The following PCDHGB2 variants were observed in gnomAD, a reference collection of about 807,000 sequenced individuals.
The protein encoded by PCDHGB2 is protocadherin gamma-B2.
Under a neutral mutation model 59.3 loss-of-function variants are expected in PCDHGB2, and 55 were observed. The ratio of observed to expected loss-of-function variants is 0.93; its 90% CI spans 0.75 to 1.16. PCDHGB2 has a LOEUF of 1.16. Ranked by LOEUF, PCDHGB2 falls within the 50% of genes most tolerant of loss-of-function variation. The pLI, the probability that PCDHGB2 is intolerant of heterozygous loss-of-function variation, is 0.00. For missense variants in PCDHGB2, 1,228 were observed against 1,198.5 expected, an observed-to-expected ratio of 1.02 and a Z score of -0.36; for synonymous variants, 516 against 512.0, an observed-to-expected ratio of 1.01 and a Z score of -0.11.
intron 1 of PCDHGB2, among the ~76,000 whole-genome samples, chr5:141,446,482 C>CT (rs112180482): frequency 6.3e-4 from 92 of 147,004 alleles, no homozygotes; most frequent in East Asian, 4.0e-3. Context: ...GGTCATCATT[C>CT]TTTTTTTTTT....
intron 1 of PCDHGB2, chr5:141,441,751 A>G (rs946329290): frequency 5.3e-6 from 2 of 378,094 alleles, no homozygotes; most frequent in African/African-American, 2.2e-5. Flanking sequence ...CTCGGCGTCA[A>G]CGTGAGCCTG....
In PCDHGB2 at chr5:141,486,718, A is replaced by G; in HGVS notation, c.2422-8089A>G. 6.2e-7 allele frequency: 1 copy of G among 1,614,106 alleles called. No individual in the cohort carries two copies. The highest frequency in any genetic ancestry group is 1.7e-5 in the Admixed American group (1 of 60,022). On this transcript the variant is annotated intron_variant, in intron 1 of 3. Coordinates refer to ENST00000522605, the MANE Select transcript of PCDHGB2 (RefSeq NM_018923.3). This position sits in a 1 kb window ranked among gnomAD's most constrained non-coding sequence, Gnocchi z 5.0. Reference sequence around the variant, plus strand: ...TCATCTCTCTGAACCCCCAGACAGGAGCTGTTCATGCTACTCGATCCTTTG... The same window carrying G: ...TCATCTCTCTGAACCCCCAGACAGGGGCTGTTCATGCTACTCGATCCTTTG...
rs771162532 is a variant in PCDHGB2, at chr5:141,491,756, C to A, written c.2422-3051C>A. On this transcript the variant is annotated intron_variant, in intron 1 of 3. Transcript: ENST00000522605. The surrounding 1 kb of genome is among the most constrained non-coding windows in gnomAD (Gnocchi z 6.9). ...CCTGGGGGCGGCACTGGAGAAGCCGCCCGTCCTCATAAGGGATTGAACTTG... is the reference window on the plus strand; with the variant it reads ...CCTGGGGGCGGCACTGGAGAAGCCGACCGTCCTCATAAGGGATTGAACTTG... The A allele has an allele frequency of 6.3e-7, 1 of 1,581,720 alleles. No individual in the cohort carries two copies. Among genetic ancestry groups the A allele is most frequent in the Middle Eastern group, 1.7e-4 (1 of 5,958 alleles).
chr5:141,391,873 T>G (rs1023590638), intron 1 of PCDHGB2: 2 of 152,216 alleles, frequency 1.3e-5, no homozygotes, highest in African/African-American at 4.8e-5. Flanking sequence ...TAATCATCTC[T>G]TTGGTGAAAG....
rs1440733700 is a variant in PCDHGB2 at position 141,441,803 on chromosome 5, G to A, written c.2422-53004G>A. 249 of 383,164 alleles carry A rather than the reference G, an allele frequency of 6.5e-4. 2 individuals carry two copies. Among genetic ancestry groups the A allele is most frequent in the African/African-American group, 4.8e-3 (220 of 45,902 alleles). The allele number at this position is 383,164 out of a possible 1,614,324, so 23.7% of individuals were successfully genotyped here. The stretch of plus-strand genomic sequence containing the variant: ...ACCTGAATGACAACGCACCGCGGGT[G>A]CTGTACCCCAGCTCTGGAGCGCAAT... On this transcript the variant is annotated intron_variant, in intron 1 of 3. Coordinates refer to ENST00000522605, the MANE Select transcript of PCDHGB2 (RefSeq NM_018923.3).
intron 3 of PCDHGB2, chr5:141,506,988 A>G (rs1364718512): frequency 1.3e-5 from 2 of 152,192 alleles, no homozygotes; most frequent in Non-Finnish European, 2.9e-5. Context: ...CTGATTTCTC[A>G]CACTCGACAG....
At chr5:141,475,090 A>G (rs991061660) in intron 1 of PCDHGB2, among the ~76,000 whole-genome samples, 1 of 152,264 alleles carries the variant, frequency 6.6e-6, no homozygotes, top group African/African-American at 2.4e-5. Flanking sequence ...CAATAATTTT[A>G]TAAAGATCCT....
chr5:141,408,430 C>T, intron 1 of PCDHGB2: 2 of 1,614,012 alleles, frequency 1.2e-6, no homozygotes, highest in South Asian at 1.1e-5. Context: ...TGCACTTCAG[C>T]GTAGACGCGG....
chr5:141,499,485 A>G (rs1278629076), intron 2 of PCDHGB2, among the ~76,000 whole-genome samples: 2 of 152,226 alleles, frequency 1.3e-5, no homozygotes, highest in Non-Finnish European at 2.9e-5. Flanking sequence ...ACCACCAACT[A>G]CAGTTTAATA....
At chr5:141,441,871 G>A (rs1020432020) in intron 1 of PCDHGB2, 3 of 340,480 alleles carry the variant, frequency 8.8e-6, no homozygotes, top group Admixed American at 8.1e-5. Context: ...CGCGGAGCCT[G>A]GCTACCTGGT....
chr5:141,419,748 G>T, intron 1 of PCDHGB2: 1 of 1,613,872 alleles, frequency 6.2e-7, no homozygotes, highest in Non-Finnish European at 8.5e-7. Flanking sequence ...CGCATGGTGC[G>T]TGCTTTGGGT....
At chr5:141,373,914 G>C (rs1769957437) in intron 1 of PCDHGB2, 1 of 640,042 alleles carries the variant, frequency 1.6e-6, no homozygotes, top group African/African-American at 1.9e-5. Flanking sequence ...CAACAACAAA[G>C]CAAATTAGAC....
intron 1 of PCDHGB2, among the ~76,000 whole-genome samples, chr5:141,401,891 T>C (rs1196463391): frequency 6.6e-6 from 1 of 152,200 alleles, no homozygotes; most frequent in Non-Finnish European, 1.5e-5. Context: ...TTTTGTGTTC[T>C]TTTTCCCAAA....
rs1561561698 is a variant in PCDHGB2 at position 141,374,186 on chromosome 5, A to G, written c.2421+11630A>G. 5 of 1,613,668 alleles carry G rather than the reference A, an allele frequency of 3.1e-6. No individual in the cohort carries two copies. The highest frequency in any genetic ancestry group is 3.3e-5 in the Admixed American group (2 of 60,008). On this transcript the variant is annotated intron_variant, in intron 1 of 3. Transcript: ENST00000522605. ...CGCGGCAGCGCAGATCCGCTACTCT[A>G]TTCCCGAGGAGCTGGAGAAAGGCTC... is the stretch of plus-strand genomic sequence containing the variant.
At position 141,488,726 on chromosome 5, in the gene PCDHGB2, G is replaced by A. The variant is rs1562126303; in HGVS notation, c.2422-6081G>A. 2.0e-5 allele frequency among the ~76,000 whole-genome samples: 3 copies of A among 152,194 alleles called. No homozygotes were observed. The South Asian group carries it at 6.2e-4, about 32-fold the overall frequency. ...TGCTGGTTCAAGCAAAGTGGTGGAA[G>A]CTTCTGAAGTCATGCAGGAAGTTGC... On this transcript the variant is annotated intron_variant, in intron 1 of 3. Transcript: ENST00000522605.
At chr5:141,488,705 G>C (rs1024064135) in intron 1 of PCDHGB2, among the ~76,000 whole-genome samples, 8 of 152,200 alleles carry the variant, frequency 5.3e-5, no homozygotes, top group Non-Finnish European at 1.2e-4. Context: ...AGATTTTGCT[G>C]GTTCAAGCAA....
At chr5:141,500,667 TC>T (rs1032555959) in intron 2 of PCDHGB2, among the ~76,000 whole-genome samples, 26 of 152,194 alleles carry the variant, frequency 1.7e-4, no homozygotes, top group African/African-American at 6.0e-4. Flanking sequence ...GGCCATACTG[TC>T]CAACAGAATT....
intron 1 of PCDHGB2, chr5:141,374,308 C>T: frequency 6.2e-7 from 1 of 1,613,970 alleles, no homozygotes; most frequent in Non-Finnish European, 8.5e-7. Flanking sequence ...TGCAGCTTTT[C>T]TCTCTGAATC....
rs1269006896 is a variant in PCDHGB2 at position 141,362,477 on chromosome 5, T to C, written c.2342T>C (p.Val781Ala). 2 of 1,613,938 alleles carry C rather than the reference T, an allele frequency of 1.2e-6. No individual in the cohort carries two copies. The highest frequency in any genetic ancestry group is 1.7e-5 in the Admixed American group (1 of 60,012). Residue 781 changes from valine (V) to alanine (A), a missense_variant, in exon 1 of 4, where the codon GTC (valine) becomes GCC (alanine). Around this residue, in one of 3 missense-constraint regions of PCDHGB2, gnomAD observed 433 missense variants for 441.8 expected, o/e 0.98. Transcript: ENST00000522605. Reference sequence around the variant, plus strand: ...GAATTGGTTCCCGCGCAAGATCTCGTCTGTGACAATGCCTCTTGGGAACAA... The same window carrying C: ...GAATTGGTTCCCGCGCAAGATCTCGCCTGTGACAATGCCTCTTGGGAACAA... ...TPELVPAQDLVCDNASWEQNT... is the reference protein window; with the variant it reads ...TPELVPAQDLACDNASWEQNT...
Sources: gnomAD v4.1 joint callset for allele counts (sites outside exome capture counted in the v4.1 genomes callset) on GRCh38, gnomAD v4.1.1 for gene constraint, gnomAD v4.1.1 regional missense constraint, Gnocchi (gnomAD v3.1) non-coding constraint, MANE v1.5 for transcripts, NCBI Gene and HGNC (gene_info 2026-07-23, HGNC 2026-07-21) for gene names.